Variants in RSPO3 observed in about 807,000 individuals in gnomAD.
RSPO3 encodes R-spondin-3.
In RSPO3, 17 loss-of-function variants were observed where a neutral mutation model predicts 36.5. The ratio of observed to expected loss-of-function variants is 0.47; its 90% CI spans 0.32 to 0.70. The LOEUF is 0.70. Among genes scored for constraint, RSPO3 ranks in the 30% least tolerant of loss-of-function variants. The pLI is 0.04. For missense variants in RSPO3, 294 were observed against 322.5 expected (o/e 0.91, Z 0.68); for synonymous variants, 108 against 107.0 (o/e 1.01, Z -0.06).
intron 4 of RSPO3, among the ~76,000 whole-genome samples, chr6:127,190,048 A>C (rs958467160): frequency 6.6e-6 from 1 of 152,192 alleles, no homozygotes; most frequent in African/African-American, 2.4e-5. Context: ...TCTACACAAT[A>C]CATTATAATT....
chr6:127,179,013 G>C (rs1775126454), intron 4 of RSPO3, among the ~76,000 whole-genome samples: 1 of 151,894 alleles, frequency 6.6e-6, no homozygotes, highest in Non-Finnish European at 1.5e-5. Flanking sequence ...CATTCTTAAA[G>C]AATGTCCCTG....
In RSPO3 at chr6:127,119,360, G is replaced by A. The variant is rs1039302243; in HGVS notation, c.97+71G>A. On this transcript the variant is annotated intron_variant, in intron 1 of 4. Transcript: ENST00000356698. ...ACCTGTCGGGTCGCTTTGCCTGTCC[G>A]GAGCCGGCTCCCAACTGCAGCGGTC... 15 of 1,134,822 alleles carry A rather than the reference G, an allele frequency of 1.3e-5. No individual in the cohort carries two copies. In the South Asian group the frequency reaches 1.7e-4, roughly 13 times the overall value. 70.3% of individuals were successfully genotyped at this position (1,134,822 alleles called of 1,614,324 possible).
At chr6:127,181,235 T>C (rs1775180661) in intron 4 of RSPO3, among the ~76,000 whole-genome samples, 1 of 151,884 alleles carries the variant, frequency 6.6e-6, no homozygotes, top group African/African-American at 2.4e-5. Flanking sequence ...AATAGAGAAG[T>C]AGCCTTTAAA....
rs771874001 is a variant in RSPO3, at chr6:127,148,712, T to C, written c.162T>C (p.Cys54=). Residue 54 remains cysteine, a synonymous_variant, in exon 2 of 5, where the codon TGT becomes TGC. Coordinates refer to ENST00000356698, the MANE Select transcript of RSPO3 (RefSeq NM_032784.5). ...GCATCSDYNG[C]LSCKPRLFFA... is the part of the protein sequence containing the mutation. ...CAACATGCTCAGATTACAATGGATG[T>C]TTGTCATGTAAGCCCAGACTATTTT... 1 of 1,613,248 alleles carries C rather than the reference T, an allele frequency of 6.2e-7. No homozygotes were observed. Among genetic ancestry groups the C allele is most frequent in the South Asian group, 1.1e-5 (1 of 91,044 alleles).
chr6:127,170,378 G>A (rs1183374493), intron 4 of RSPO3, among the ~76,000 whole-genome samples: 1 of 151,288 alleles, frequency 6.6e-6, no homozygotes, highest in Non-Finnish European at 1.5e-5. Context: ...CACTATTGAT[G>A]GGAATGTAAA....
At chr6:127,137,664 A>G (rs974058747) in intron 1 of RSPO3, among the ~76,000 whole-genome samples, 6 of 152,160 alleles carry the variant, frequency 3.9e-5, no homozygotes, top group African/African-American at 1.2e-4. Flanking sequence ...GATATTATGT[A>G]TGTATTCCTA....
intron 1 of RSPO3, among the ~76,000 whole-genome samples, chr6:127,137,056 A>G (rs1774174639): frequency 6.6e-6 from 1 of 152,132 alleles, no homozygotes; most frequent in Non-Finnish European, 1.5e-5. Flanking sequence ...GAACTTTCTG[A>G]GAGAAATGGT....
chr6:127,177,663 G>A (rs764122189), intron 4 of RSPO3, among the ~76,000 whole-genome samples: 10 of 151,766 alleles, frequency 6.6e-5, no homozygotes, highest in Non-Finnish European at 1.0e-4. Context: ...GGTAAAACAA[G>A]AATAGAAGTT....
intron 4 of RSPO3, among the ~76,000 whole-genome samples, chr6:127,174,020 C>T (rs1774996085): frequency 6.6e-6 from 1 of 151,842 alleles, no homozygotes; most frequent in Non-Finnish European, 1.5e-5. Flanking sequence ...AATATGGGAA[C>T]ATTGATTTCC....
chr6:127,126,488 T>C (rs1261007129), intron 1 of RSPO3, among the ~76,000 whole-genome samples: 1 of 152,068 alleles, frequency 6.6e-6, no homozygotes, highest in Non-Finnish European at 1.5e-5. Flanking sequence ...CTGTGTTACA[T>C]AAGAGGATGG....
At chr6:127,159,876 T>C (rs573019785) in intron 4 of RSPO3, among the ~76,000 whole-genome samples, 16 of 152,088 alleles carry the variant, frequency 1.1e-4, no homozygotes, top group African/African-American at 3.1e-4. Flanking sequence ...CTCGAACTCC[T>C]GAGCTCAGGC....
intron 1 of RSPO3, among the ~76,000 whole-genome samples, chr6:127,141,750 C>T (rs931812021): frequency 9.9e-5 from 15 of 152,040 alleles, no homozygotes; most frequent in African/African-American, 3.6e-4. Context: ...ACTCTATTAT[C>T]CTAGCTGTTA....
intron 1 of RSPO3, among the ~76,000 whole-genome samples, chr6:127,142,478 C>T (rs1396772497): frequency 6.6e-6 from 1 of 152,144 alleles, no homozygotes; most frequent in African/African-American, 2.4e-5. Flanking sequence ...TGTAATATTA[C>T]TCCAAACTTA....
chr6:127,190,584 G>A (rs140497462), intron 4 of RSPO3, among the ~76,000 whole-genome samples: 21 of 152,214 alleles, frequency 1.4e-4, no homozygotes, highest in Admixed American at 7.9e-4. Flanking sequence ...TGGGCTTCCA[G>A]TTGAATTTCA....
At chr6:127,180,572 C>A (rs1344146209) in intron 4 of RSPO3, among the ~76,000 whole-genome samples, 2 of 136,552 alleles carry the variant, frequency 1.5e-5, no homozygotes, top group African/African-American at 5.5e-5. Flanking sequence ...GAGGTTTGAA[C>A]TGAATGAGGA....
chr6:127,133,544 T>G (rs1774096437), intron 1 of RSPO3, among the ~76,000 whole-genome samples: 1 of 152,136 alleles, frequency 6.6e-6, no homozygotes, highest in South Asian at 2.1e-4. Flanking sequence ...GATCTTAAAG[T>G]CCACTCCTCC....
At chr6:127,195,315 GCA>G (rs1296988669) in intron 4 of RSPO3, among the ~76,000 whole-genome samples, 15 of 152,156 alleles carry the variant, frequency 9.9e-5, no homozygotes, top group Admixed American at 2.0e-4. Flanking sequence ...ACACAGGCAT[GCA>G]TCACCATGCC....
chr6:127,174,031 T>C (rs1774996608), intron 4 of RSPO3, among the ~76,000 whole-genome samples: 1 of 151,904 alleles, frequency 6.6e-6, no homozygotes, highest in South Asian at 2.1e-4. Flanking sequence ...ATTGATTTCC[T>C]TTAGCAGTAT....
chr6:127,147,096 T>G (rs933415172), intron 1 of RSPO3, among the ~76,000 whole-genome samples: 4 of 152,094 alleles, frequency 2.6e-5, no homozygotes, highest in African/African-American at 9.7e-5. Context: ...CCCCACACAT[T>G]TCCTTAGTTT....
Sources: allele counts gnomAD v4.1 joint callset (sites outside exome capture counted in the v4.1 genomes callset), GRCh38; gene constraint gnomAD v4.1.1; transcripts MANE v1.5; gene names NCBI Gene and HGNC (gene_info 2026-07-23, HGNC 2026-07-21).